RTN1: variants seen among roughly 807,000 people sequenced by gnomAD.
RTN1 encodes the protein reticulon 1, also known as reticulon-1.
RTN1 carries 25 observed loss-of-function variants against 65.5 expected under a neutral mutation model. The observed-to-expected ratio is 0.38, with a 90% CI of 0.28 to 0.53. The LOEUF (loss-of-function observed/expected upper bound fraction) is 0.53, where lower values mean the gene tolerates loss of function less well. RTN1 is among the 20% of genes least tolerant of loss of function. The pLI is 0.79. For synonymous variants in RTN1, 471 were observed against 447.6 expected, an observed-to-expected ratio of 1.05 and a Z score of -0.66; for missense variants, 983 against 1,025.4, an observed-to-expected ratio of 0.96 and a Z score of 0.57.
intron 1 of RTN1, among the ~76,000 whole-genome samples, chr14:59,777,854 C>A (rs1440712798): frequency 1.3e-5 from 2 of 151,046 alleles, no homozygotes; most frequent in Non-Finnish European, 2.9e-5. Flanking sequence ...AAAACACACA[C>A]ACACACACAC....
At chr14:59,722,796 CTTTT>C (rs573634730) in intron 3 of RTN1, among the ~76,000 whole-genome samples, 1 of 137,250 alleles carries the variant, frequency 7.3e-6, no homozygotes, top group Admixed American at 7.4e-5. Flanking sequence ...GAACTTTTAA[CTTTT>C]TTTTTTTTTT....
intron 1 of RTN1, among the ~76,000 whole-genome samples, chr14:59,749,308 CTA>C (rs35027570): frequency 0.027 from 400 of 14,882 alleles, 114 homozygotes; most frequent in African/African-American, 0.084. Flanking sequence ...CTATATATAT[CTA>C]TATATATATC....
intron 2 of RTN1, among the ~76,000 whole-genome samples, chr14:59,728,270 TTTTTGC>T (rs1884825138): frequency 7.7e-6 from 1 of 129,064 alleles, no homozygotes; most frequent in African/African-American, 3.1e-5. Context: ...TTTTTTTTTT[TTTTTGC>T]AACTAAGTGG....
chr14:59,637,979 G>C (rs1028478718), intron 3 of RTN1, among the ~76,000 whole-genome samples: 1 of 151,820 alleles, frequency 6.6e-6, no homozygotes, highest in Admixed American at 6.6e-5. Flanking sequence ...AGCCTCCCAA[G>C]TTGCTGGGAC....
intron 1 of RTN1, among the ~76,000 whole-genome samples, chr14:59,848,705 T>C (rs1887452278): frequency 6.6e-6 from 1 of 152,196 alleles, no homozygotes. Context: ...AAGACTATTT[T>C]ATGTAACCAA....
intron 1 of RTN1, among the ~76,000 whole-genome samples, chr14:59,819,757 C>T (rs1222920768): frequency 3.9e-5 from 6 of 152,112 alleles, no homozygotes; most frequent in East Asian, 1.9e-4. Flanking sequence ...GAGCACTGCG[C>T]GGGGAGGCCT....
At chr14:59,859,934 G>A (rs1887678461) in intron 1 of RTN1, among the ~76,000 whole-genome samples, 1 of 152,190 alleles carries the variant, frequency 6.6e-6, no homozygotes, top group Non-Finnish European at 1.5e-5. Context: ...TGTGACTAGG[G>A]TGCTGTTAAA....
chr14:59,709,737 T>C (rs1027440149), intron 3 of RTN1, among the ~76,000 whole-genome samples: 1 of 152,054 alleles, frequency 6.6e-6, no homozygotes, highest in African/African-American at 2.4e-5. Flanking sequence ...TGAAAGCATA[T>C]AACAAAAATG....
intron 1 of RTN1, among the ~76,000 whole-genome samples, chr14:59,749,114 A>ATC (rs1217347907): frequency 5.9e-4 from 27 of 45,574 alleles, no homozygotes; most frequent in South Asian, 2.1e-3. Flanking sequence ...ATATATATAT[A>ATC]TATATATATA....
intron 1 of RTN1, among the ~76,000 whole-genome samples, chr14:59,782,696 G>A (rs567650801): frequency 2.0e-5 from 3 of 152,138 alleles, no homozygotes; most frequent in Non-Finnish European, 4.4e-5. Context: ...AGGCTATAAT[G>A]TTTTGTTTTT....
intron 2 of RTN1, among the ~76,000 whole-genome samples, chr14:59,735,490 C>A (rs1884984369): frequency 6.6e-6 from 1 of 152,104 alleles, no homozygotes; most frequent in African/African-American, 2.4e-5. Context: ...CTTCAAGAGA[C>A]CCATCTCACA....
rs549575960 is a variant in RTN1 at position 59,870,073 on chromosome 14, G to T, written c.241+317C>A. 1.3e-5 allele frequency among the ~76,000 whole-genome samples: 2 copies of T among 152,350 alleles called. No homozygotes were observed. Among genetic ancestry groups the T allele is most frequent in the South Asian group, 4.1e-4 (2 of 4,826 alleles). On this transcript the variant is annotated intron_variant, in intron 1 of 8. Transcript: ENST00000267484. This position sits in a 1 kb window ranked among gnomAD's most constrained non-coding sequence, Gnocchi z 5.1. ...GCTCGGAGCCTCCTGGCAGGAGGGA[G>T]AAACTTGTACCCAGACTCGCCAGCA...
At chr14:59,741,679 C>T (rs1031067778) in intron 2 of RTN1, among the ~76,000 whole-genome samples, 11 of 152,202 alleles carry the variant, frequency 7.2e-5, no homozygotes, top group South Asian at 2.1e-4. Context: ...CCCACGATCT[C>T]GGCCCTGCCT....
chr14:59,701,195 A>G (rs1212709934), intron 3 of RTN1, among the ~76,000 whole-genome samples: 4 of 152,200 alleles, frequency 2.6e-5, no homozygotes, highest in African/African-American at 9.6e-5. Context: ...ATGTGGAGAA[A>G]TTGGAATTCT....
intron 3 of RTN1, among the ~76,000 whole-genome samples, chr14:59,674,257 G>A (rs1478774781): frequency 6.6e-6 from 1 of 152,176 alleles, no homozygotes; most frequent in Non-Finnish European, 1.5e-5. Context: ...TACCGATATG[G>A]GTGGTCTACT....
At chr14:59,817,060 TAAAA>T (rs999394050) in intron 1 of RTN1, among the ~76,000 whole-genome samples, 6 of 151,870 alleles carry the variant, frequency 4.0e-5, no homozygotes, top group African/African-American at 1.5e-4. Context: ...GAGGGAATCT[TAAAA>T]AACACTTAAT....
At chr14:59,656,231 G>C (rs971162797) in intron 3 of RTN1, among the ~76,000 whole-genome samples, 1 of 151,698 alleles carries the variant, frequency 6.6e-6, no homozygotes, top group Non-Finnish European at 1.5e-5. Flanking sequence ...AATGAGAAAT[G>C]ACTGCTAATG....
At chr14:59,779,480 AG>A (rs1449089714) in intron 1 of RTN1, among the ~76,000 whole-genome samples, 1 of 151,978 alleles carries the variant, frequency 6.6e-6, no homozygotes, top group African/African-American at 2.4e-5. Context: ...GATCCTGCAG[AG>A]GGGGAAGGCA....
At position 59,836,232 on chromosome 14, in the gene RTN1, C is replaced by T. The variant is rs1032951614; in HGVS notation, c.241+34158G>A. On this transcript the variant is annotated intron_variant, in intron 1 of 8. Transcript: ENST00000267484. The surrounding 1 kb of genome is among the most constrained non-coding windows in gnomAD (Gnocchi z 4.9). ...ATATTCACAGGTTCCAGGGATTAGA[C>T]GTGGACACCTTTGGGAGCCATTATT... Among the ~76,000 whole-genome samples, 18 of 152,230 alleles carry T rather than the reference C, an allele frequency of 1.2e-4. 1 individual carries two copies. The highest frequency in any genetic ancestry group is 7.8e-4 in the Admixed American group (12 of 15,288).
Sources: allele counts gnomAD v4.1 joint callset (sites outside exome capture counted in the v4.1 genomes callset), GRCh38; gene constraint gnomAD v4.1.1; non-coding constraint Gnocchi (gnomAD v3.1); transcripts MANE v1.5; gene names NCBI Gene and HGNC (gene_info 2026-07-23, HGNC 2026-07-21).